The following DOCK3 variants were observed in gnomAD, a reference collection of about 807,000 sequenced individuals.
The protein encoded by DOCK3 is dedicator of cytokinesis protein 3.
Under a neutral mutation model 265.6 loss-of-function variants are expected in DOCK3, and 60 were observed. The observed-to-expected ratio is 0.23, with a 90% CI of 0.18 to 0.28. The LOEUF (loss-of-function observed/expected upper bound fraction) is 0.28, where lower values mean the gene tolerates loss of function less well. Ranked by LOEUF, DOCK3 falls within the 10% of genes least tolerant of loss-of-function variation. The pLI is 1.00. For synonymous variants in DOCK3, 881 were observed against 938.0 expected, an observed-to-expected ratio of 0.94 and a Z score of 1.11; for missense variants, 1,981 against 2,594.3, an observed-to-expected ratio of 0.76 and a Z score of 5.14.
At chr3:50,784,869 T>A (rs906201962) in intron 2 of DOCK3, among the ~76,000 whole-genome samples, 2 of 152,170 alleles carry the variant, frequency 1.3e-5, no homozygotes, top group African/African-American at 4.8e-5. Context: ...CAATTTTGCA[T>A]CCTGTGGCCA....
Position 51,381,096 on chromosome 3 carries a change from G to T in DOCK3, c.5630G>T (p.Gly1877Val), listed in dbSNP as rs2088597719. ...IPASPTSPQS[G>V]LDGSNSTLSG... ...GCCTCCCCCACAAGCCCCCAGTCAG[G>T]TCTGGACGGCAGCAACTCTACGCTG... Residue 1877 changes from glycine to valine, a missense_variant, in exon 53 of 53, where the codon GGT (glycine) becomes GTT (valine). Gly to Val is a moderately radical substitution (Grantham distance 109, BLOSUM62 -3). Coordinates refer to ENST00000266037, the MANE Select transcript of DOCK3 (RefSeq NM_004947.5). The surrounding 1 kb of genome is among the most constrained non-coding windows in gnomAD (Gnocchi z 5.6). 6.2e-7 allele frequency: 1 copy of T among 1,612,998 alleles called. No individual in the cohort carries two copies. The highest frequency in any genetic ancestry group is 1.3e-5 in the African/African-American group (1 of 74,876).
chr3:51,288,090 G>A (rs2081510718), intron 27 of DOCK3, among the ~76,000 whole-genome samples: 1 of 152,164 alleles, frequency 6.6e-6, no homozygotes, highest in African/African-American at 2.4e-5. Flanking sequence ...GAGTACTCAT[G>A]GACATAAGAA....
At chr3:50,983,106 G>A (rs186646773) in intron 5 of DOCK3, among the ~76,000 whole-genome samples, 65 of 152,298 alleles carry the variant, frequency 4.3e-4, no homozygotes, top group African/African-American at 7.5e-4. Context: ...AGGCAGTGCC[G>A]GCATACCAGA....
Position 51,356,112 on chromosome 3 carries a change from C to G in DOCK3, c.4273C>G (p.Pro1425Ala), listed in dbSNP as rs369591444. 3.0e-5 allele frequency: 49 copies of G among 1,613,850 alleles called. No individual in the cohort carries two copies. The highest frequency in any genetic ancestry group is 3.8e-5 in the Non-Finnish European group (45 of 1,179,882). ...AGACTTGCAGATCTATGCAGTGACG[C>G]CCATTCCAGATTATGTGGATGTTCT... Reference protein sequence around the residue: ...AQYLQIYAVTPIPDYVDVLQM... With the variant: ...AQYLQIYAVTAIPDYVDVLQM... The change falls in exon 42 of 53, where the codon CCC (proline) becomes GCC (alanine). Residue 1425 changes from proline (P) to alanine (A), a missense_variant. This residue lies in a region of DOCK3 where 1,357 missense variants were observed against 1,866.8 expected (regional missense o/e 0.73). Coordinates refer to ENST00000266037, the MANE Select transcript of DOCK3 (RefSeq NM_004947.5).
chr3:51,031,263 A>T (rs1411651540), intron 5 of DOCK3, among the ~76,000 whole-genome samples: 1 of 152,136 alleles, frequency 6.6e-6, no homozygotes, highest in Admixed American at 6.5e-5. Context: ...ATCAATTTTA[A>T]GGGTTGAGCC....
intron 2 of DOCK3, among the ~76,000 whole-genome samples, chr3:50,826,902 G>A (rs2044790328): frequency 1.3e-5 from 2 of 152,178 alleles, no homozygotes; most frequent in South Asian, 4.1e-4. Flanking sequence ...GCATTATTTG[G>A]TGGGGATTCA....
intron 7 of DOCK3, among the ~76,000 whole-genome samples, chr3:51,076,547 C>A (rs2082063775): frequency 6.6e-6 from 1 of 152,082 alleles, no homozygotes; most frequent in Non-Finnish European, 1.5e-5. Context: ...AAATTTTCTC[C>A]CAGGACAATG....
At position 51,247,551 on chromosome 3, in the gene DOCK3, T is replaced by G. The variant is rs1048300567; in HGVS notation, c.2184+744T>G. ...TCACCTGCAACAAGTACTGGACCTG[T>G]GTTTTTGTCCTTTTCCACATGTTTA... is the stretch of plus-strand genomic sequence containing the variant. On this transcript the variant is annotated intron_variant, in intron 22 of 52. Coordinates refer to ENST00000266037, the MANE Select transcript of DOCK3 (RefSeq NM_004947.5). 3.3e-5 allele frequency among the ~76,000 whole-genome samples: 5 copies of G among 152,384 alleles called. 1 individual carries two copies. Among genetic ancestry groups the G allele is most frequent in the Admixed American group, 3.3e-4 (5 of 15,308 alleles).
intron 9 of DOCK3, among the ~76,000 whole-genome samples, chr3:51,145,589 A>AT (rs1027924524): frequency 3.3e-5 from 5 of 151,886 alleles, no homozygotes; most frequent in African/African-American, 4.8e-5. Flanking sequence ...ACATCGTGAG[A>AT]TTTTTTTTAT....
At chr3:51,045,722 T>G (rs1229863543) in intron 5 of DOCK3, among the ~76,000 whole-genome samples, 1 of 152,162 alleles carries the variant, frequency 6.6e-6, no homozygotes, top group African/African-American at 2.4e-5. Context: ...ATATCATACT[T>G]TTGTTTGTAG....
chr3:51,134,844 A>G (rs1576195069), intron 9 of DOCK3, among the ~76,000 whole-genome samples: 1 of 152,180 alleles, frequency 6.6e-6, no homozygotes, highest in African/African-American at 2.4e-5. Flanking sequence ...ACCTTTCCAG[A>G]TTTGAATTTC....
intron 4 of DOCK3, among the ~76,000 whole-genome samples, chr3:50,903,749 C>CT (rs1008669749): frequency 2.0e-4 from 30 of 150,638 alleles, no homozygotes; most frequent in East Asian, 7.8e-4. Flanking sequence ...GGTACCAGCT[C>CT]TTTTTTTTTA....
chr3:51,261,332 A>T (rs1022600187), intron 23 of DOCK3, among the ~76,000 whole-genome samples: 1 of 152,128 alleles, frequency 6.6e-6, no homozygotes, highest in Non-Finnish European at 1.5e-5. Context: ...TCCCTCCCCT[A>T]CCCAAGGGAA....
chr3:50,836,212 C>T (rs910457273), intron 2 of DOCK3, among the ~76,000 whole-genome samples: 10 of 152,116 alleles, frequency 6.6e-5, no homozygotes, highest in Non-Finnish European at 1.0e-4. Context: ...AGCAGTGCCC[C>T]GGGGGGGACT....
intron 27 of DOCK3, among the ~76,000 whole-genome samples, chr3:51,290,330 A>G: frequency 6.6e-6 from 1 of 152,212 alleles, no homozygotes. Flanking sequence ...TGTGGCACAT[A>G]TACACCATGG....
chr3:51,048,938 G>GT (rs2080883167), intron 5 of DOCK3, among the ~76,000 whole-genome samples: 1 of 151,968 alleles, frequency 6.6e-6, no homozygotes, highest in Non-Finnish European at 1.5e-5. Flanking sequence ...CAGCACAGCA[G>GT]TATCACCAGA....
chr3:51,287,065 C>T (rs1179252566), intron 27 of DOCK3, among the ~76,000 whole-genome samples: 1 of 151,984 alleles, frequency 6.6e-6, no homozygotes, highest in Admixed American at 6.6e-5. Context: ...GCAAACTATG[C>T]ATCTGACAAA....
intron 5 of DOCK3, among the ~76,000 whole-genome samples, chr3:50,970,966 G>GTT (rs1559878984): frequency 3.7e-5 from 1 of 27,092 alleles, no homozygotes. Flanking sequence ...GTGTGTGTGT[G>GTT]TATATATATA....
At chr3:51,181,120 T>C (rs946976279) in intron 12 of DOCK3, among the ~76,000 whole-genome samples, 4 of 152,210 alleles carry the variant, frequency 2.6e-5, no homozygotes, top group African/African-American at 9.7e-5. Context: ...GTACAAGTTG[T>C]AAAAGAAGAA....
Sources: gnomAD v4.1 joint callset for allele counts (sites outside exome capture counted in the v4.1 genomes callset) on GRCh38, gnomAD v4.1.1 for gene constraint, gnomAD v4.1.1 regional missense constraint, Gnocchi (gnomAD v3.1) non-coding constraint, MANE v1.5 for transcripts, NCBI Gene and HGNC (gene_info 2026-07-23, HGNC 2026-07-21) for gene names.